The following SLC10A1 variants were observed in gnomAD, a reference collection of about 807,000 sequenced individuals.
SLC10A1 encodes solute carrier family 10 member 1, also known as hepatic sodium/bile acid cotransporter.
Under a neutral mutation model 20.5 loss-of-function variants are expected in SLC10A1, and 36 were observed. That is an observed-to-expected ratio of 1.75 (90% CI 1.34 to 2.32). The LOEUF is 2.32. Ranked by LOEUF, SLC10A1 falls within the 30% of genes most tolerant of loss-of-function variation. SLC10A1 has a pLI of 0.00. For missense variants in SLC10A1, 545 were observed against 439.1 expected (o/e 1.24, Z -2.16); for synonymous variants, 188 against 163.6 (o/e 1.15, Z -1.14).
Position 69,778,352 on chromosome 14 carries a change from C to T in SLC10A1, c.924G>A (p.Glu308=). ...ACTCACCCTTGGGAGTCTTGAATTT[C>T]TCATAGCACCAAAATATGGCAATGA... ...LLLIAIFWCY[E]KFKTPKDKTK... Residue 308 remains glutamate (E), a synonymous_variant, in exon 4 of 5, where the codon GAG becomes GAA. Transcript: ENST00000216540. The T allele has an allele frequency of 1.9e-6, 3 of 1,607,974 alleles. No homozygotes were observed. Among genetic ancestry groups the T allele is most frequent in the Non-Finnish European group, 2.5e-6 (3 of 1,177,302 alleles).
In SLC10A1 at chr14:69,776,272, AG is replaced by A. The variant is rs774562376; in HGVS notation, c.*9del. The A allele has an allele frequency of 2.2e-5, 36 of 1,605,730 alleles. No homozygotes were observed. The South Asian group carries it at 2.7e-4, about 12-fold the overall frequency. On this transcript the variant is annotated 3_prime_UTR_variant, in exon 5 of 5. Transcript: ENST00000216540. ...CTTTGGGACCAGAATCCAGGCCACC[AG>A]GGGAAGGGCTAGGCTGTGCAAGGGG...
At chr14:69,779,844 G>A (rs2139711587) in intron 2 of SLC10A1, among the ~76,000 whole-genome samples, 1 of 141,550 alleles carries the variant, frequency 7.1e-6, no homozygotes, top group East Asian at 2.0e-4. Context: ...TTATTTAAAA[G>A]TCAAGTATTT....
intron 2 of SLC10A1, 61 bp from the exon 3 acceptor site, chr14:69,779,421 G>A (rs906090518): frequency 4.4e-6 from 6 of 1,355,622 alleles, no homozygotes; most frequent in Non-Finnish European, 6.1e-6. Flanking sequence ...AACAGAGGTG[G>A]GGAAGCACAG....
chr14:69,796,390 A>T (rs1196758799), intron 1 of SLC10A1, among the ~76,000 whole-genome samples: 1 of 152,192 alleles, frequency 6.6e-6, no homozygotes, highest in Non-Finnish European at 1.5e-5. Context: ...AGTCACCTTG[A>T]TCTCCCTGAT....
chr14:69,796,287 A>G (rs1882385045), intron 1 of SLC10A1, among the ~76,000 whole-genome samples: 3 of 152,288 alleles, frequency 2.0e-5, no homozygotes, highest in South Asian at 4.1e-4. Context: ...AGGGACTTTA[A>G]AGAGAAAACA....
chr14:69,782,543 C>T (rs574223018), intron 2 of SLC10A1, among the ~76,000 whole-genome samples: 2 of 152,184 alleles, frequency 1.3e-5, no homozygotes, highest in Non-Finnish European at 2.9e-5. Flanking sequence ...TGTGGTGGCT[C>T]ACGCCTGTAA....
chr14:69,796,266 G>A (rs945982066), intron 1 of SLC10A1, among the ~76,000 whole-genome samples: 12 of 152,326 alleles, frequency 7.9e-5, no homozygotes, highest in South Asian at 6.2e-4. Flanking sequence ...CATTGCATCT[G>A]ATGGGGAATG....
At position 69,796,905 on chromosome 14, in the gene SLC10A1, C is replaced by T. The variant is rs200060447; in HGVS notation, c.251G>A (p.Arg84Gln). ...GGCCAGTGCCTCAATGTTCTTCAGC[C>T]GGAAGACCTTGCCCAGCACAAAGGC... ...LTAFVLGKVF[R>Q]LKNIEALAIL... Residue 84 changes from arginine (R) to glutamine (Q), a missense_variant, in exon 1 of 5, where the codon CGG (arginine) becomes CAG (glutamine). Coordinates refer to ENST00000216540, the MANE Select transcript of SLC10A1 (RefSeq NM_003049.4). 27 of 1,614,176 alleles carry T rather than the reference C, an allele frequency of 1.7e-5. 1 individual carries two copies. Among genetic ancestry groups the T allele is most frequent in the Middle Eastern group, 1.6e-4 (1 of 6,062 alleles).
chr14:69,787,207 C>T (rs1054119499), intron 1 of SLC10A1, among the ~76,000 whole-genome samples: 1 of 152,014 alleles, frequency 6.6e-6, no homozygotes, highest in African/African-American at 2.4e-5. Context: ...CACTCAGAGC[C>T]TGAATAATAT....
intron 2 of SLC10A1, among the ~76,000 whole-genome samples, chr14:69,780,228 C>A (rs1883558733): frequency 6.6e-6 from 1 of 152,190 alleles, no homozygotes; most frequent in African/African-American, 2.4e-5. Context: ...TAGGGTTTTT[C>A]ATTGTGCAAC....
intron 1 of SLC10A1, 99 bp from the exon 2 acceptor site, chr14:69,786,406 A>G (rs1023431394): frequency 5.6e-5 from 50 of 894,536 alleles, no homozygotes; most frequent in Non-Finnish European, 8.1e-5. Context: ...AGTGCTTGAC[A>G]TATGTGGCTT....
chr14:69,794,030 A>T (rs1401911362), intron 1 of SLC10A1, among the ~76,000 whole-genome samples: 1 of 152,048 alleles, frequency 6.6e-6, no homozygotes, highest in Non-Finnish European at 1.5e-5. Context: ...GTGGAGGGAG[A>T]CACAGTTTCC....
chr14:69,786,804 C>G (rs565489781), intron 1 of SLC10A1, among the ~76,000 whole-genome samples: 14 of 152,320 alleles, frequency 9.2e-5, no homozygotes, highest in Middle Eastern at 3.4e-3. Flanking sequence ...CTTTGTCCAA[C>G]GGAGACAATA....
intron 1 of SLC10A1, among the ~76,000 whole-genome samples, chr14:69,794,608 G>A (rs943277): frequency 0.13 from 19,331 of 152,170 alleles, 1,685 homozygotes; most frequent in Admixed American, 0.2. Flanking sequence ...GTAACAAGTT[G>A]TCCCAAATTG....
intron 4 of SLC10A1, among the ~76,000 whole-genome samples, chr14:69,777,593 T>G: frequency 1.0e-5 from 1 of 98,514 alleles, no homozygotes; most frequent in East Asian, 2.6e-4. Context: ...TTTTTTTTTT[T>G]TTTTTTTTTT....
intron 1 of SLC10A1, among the ~76,000 whole-genome samples, chr14:69,787,527 A>G (rs1310429959): frequency 3.3e-5 from 5 of 152,236 alleles, no homozygotes; most frequent in Non-Finnish European, 7.3e-5. Flanking sequence ...TTATTTCTAT[A>G]AAGATGGAAT....
intron 2 of SLC10A1, among the ~76,000 whole-genome samples, chr14:69,784,543 G>A (rs1394384881): frequency 6.6e-6 from 1 of 152,088 alleles, no homozygotes; most frequent in African/African-American, 2.4e-5. Context: ...GAGTGAGGGG[G>A]ACTACTCCTA....
chr14:69,780,022 G>A (rs2139711715), intron 2 of SLC10A1, among the ~76,000 whole-genome samples: 2 of 152,076 alleles, frequency 1.3e-5, no homozygotes, highest in Middle Eastern at 6.8e-3. Context: ...AAACAAAGCT[G>A]GTAAACAAGG....
In SLC10A1 at chr14:69,796,965, G is replaced by A. The variant is rs779764405; in HGVS notation, c.191C>T (p.Ala64Val). 6.2e-7 allele frequency: 1 copy of A among 1,614,224 alleles called. No individual in the cohort carries two copies. The highest frequency in any genetic ancestry group is 1.3e-5 in the African/African-American group (1 of 75,072). ...CATGATGCCATACTGTGCCACCAGG[G>A]CGATGGCCAGCCCTTTAGGCTTCCA... The part of the protein sequence containing the change: ...HLWKPKGLAI[A>V]LVAQYGIMPL... Residue 64 changes from alanine to valine, a missense_variant, in exon 1 of 5, where the codon GCC (alanine) becomes GTC (valine). Physicochemically the swap from Ala to Val is moderately conservative, Grantham distance 64. Coordinates refer to ENST00000216540, the MANE Select transcript of SLC10A1 (RefSeq NM_003049.4).
Sources: allele counts gnomAD v4.1 joint callset (sites outside exome capture counted in the v4.1 genomes callset), GRCh38; gene constraint gnomAD v4.1.1; transcripts MANE v1.5; gene names NCBI Gene and HGNC (gene_info 2026-07-23, HGNC 2026-07-21).